TRPC1: variants seen among roughly 807,000 people sequenced by gnomAD.
TRPC1 encodes the protein short transient receptor potential channel 1.
A neutral mutation model predicts 88.2 loss-of-function variants in TRPC1; 42 were observed. The observed-to-expected ratio is 0.48, with a 90% CI of 0.37 to 0.62. The LOEUF (loss-of-function observed/expected upper bound fraction) is 0.62. TRPC1 is among the 20% of genes least tolerant of loss of function. TRPC1 has a pLI of 0.00. For synonymous variants in TRPC1, 288 were observed against 331.8 expected (o/e 0.87, Z 1.43); for missense variants, 699 against 957.3 (o/e 0.73, Z 3.56).
Position 142,791,139 on chromosome 3 carries a change from A to G in TRPC1, c.1418A>G (p.Lys473Arg). ...NSLYLATFAL[K>R]VVAHNKFHDF... ...CTTTATTTGGCAACCTTTGCCCTCA[A>G]AGTGGTTGCTCACAACAAGGTGACT... is the stretch of plus-strand genomic sequence containing the variant. Residue 473 changes from lysine to arginine, a missense_variant, in exon 8 of 13, where the codon AAA (lysine) becomes AGA (arginine). By Grantham distance (26) the Lys-to-Arg change is conservative (BLOSUM62 2). Transcript: ENST00000476941. 2 of 1,605,030 alleles carry G rather than the reference A, an allele frequency of 1.2e-6. No individual in the cohort carries two copies. Among genetic ancestry groups the G allele is most frequent in the Non-Finnish European group, 1.7e-6 (2 of 1,176,858 alleles).
rs1268548295 is a variant in TRPC1 at position 142,767,298 on chromosome 3, G to T, written c.633-10334G>T. The stretch of plus-strand genomic sequence containing the variant: ...CAAAGCTAACTTAAAAAGATGTTTA[G>T]ATCTTTCCCATTTTTAAATTAGTTG... On this transcript the variant is annotated intron_variant, in intron 4 of 12. Transcript: ENST00000476941. The surrounding 1 kb of genome is among the most constrained non-coding windows in gnomAD (Gnocchi z 5.1). Among the ~76,000 whole-genome samples, 1 of 151,886 alleles carries T rather than the reference G, an allele frequency of 6.6e-6. No homozygotes were observed. The highest frequency in any genetic ancestry group is 1.9e-4 in the East Asian group (1 of 5,196).
At chr3:142,802,841 A>G (rs1030304227) in intron 10 of TRPC1, among the ~76,000 whole-genome samples, 1 of 152,238 alleles carries the variant, frequency 6.6e-6, no homozygotes, top group Non-Finnish European at 1.5e-5. Context: ...GAGGTAAACA[A>G]AATTCCTCCC....
At chr3:142,779,429 G>A (rs772500861) in intron 5 of TRPC1, among the ~76,000 whole-genome samples, 10 of 152,138 alleles carry the variant, frequency 6.6e-5, no homozygotes, top group South Asian at 2.1e-4. Flanking sequence ...TTTGAATCTC[G>A]TAGTCCATCA....
At chr3:142,738,094 C>T (rs1297750364) in intron 2 of TRPC1, among the ~76,000 whole-genome samples, 2 of 152,180 alleles carry the variant, frequency 1.3e-5, no homozygotes, top group Non-Finnish European at 2.9e-5. Flanking sequence ...TACTTGATCA[C>T]ATTCAGACAT....
At position 142,806,274 on chromosome 3, in the gene TRPC1, A is replaced by AGATC. The variant is rs1481886900; in HGVS notation, c.*40_*43dup. 6.7e-7 allele frequency: 1 copy of AGATC among 1,494,846 alleles called. No individual in the cohort carries two copies. The highest frequency in any genetic ancestry group is 9.2e-7 in the Non-Finnish European group (1 of 1,087,496). The allele number at this position is 1,494,846 out of a possible 1,614,324, so 92.6% of individuals were successfully genotyped here. Reference sequence around the variant, plus strand: ...CATGGAGCGAATAATTTTCAATAACAGATCCAAAAGACTATATTGCATAAC... The same window carrying AGATC: ...CATGGAGCGAATAATTTTCAATAACAGATCGATCCAAAAGACTATATTGCATAAC... On this transcript the variant is annotated 3_prime_UTR_variant, in exon 13 of 13. Transcript: ENST00000476941.
intron 4 of TRPC1, among the ~76,000 whole-genome samples, chr3:142,756,361 CTTTT>C (rs749438384): frequency 2.9e-5 from 4 of 136,554 alleles, no homozygotes; most frequent in Non-Finnish European, 4.8e-5. Context: ...TATGATGGTT[CTTTT>C]TTTTTTTTTT....
intron 4 of TRPC1, among the ~76,000 whole-genome samples, chr3:142,750,305 T>C (rs912547121): frequency 3.3e-5 from 5 of 152,014 alleles, no homozygotes; most frequent in Admixed American, 3.3e-4. Flanking sequence ...CCAACAAACA[T>C]ATGAAAAAAA....
At chr3:142,793,805 T>G (rs1936368338) in intron 9 of TRPC1, 4 of 954,672 alleles carry the variant, frequency 4.2e-6, no homozygotes, top group Admixed American at 6.2e-5. Context: ...AAGGTGATAT[T>G]TTAAATAAAA....
In TRPC1 at chr3:142,769,742, C is replaced by T. The variant is rs1160210950; in HGVS notation, c.633-7890C>T. 1.6e-4 allele frequency among the ~76,000 whole-genome samples: 24 copies of T among 152,024 alleles called. 1 individual carries two copies. Among genetic ancestry groups the T allele is most frequent in the Admixed American group, 1.4e-3 (21 of 15,254 alleles). On this transcript the variant is annotated intron_variant, in intron 4 of 12. Transcript: ENST00000476941. Reference sequence around the variant, plus strand: ...TCCATTGTGGTTGGAGAACATACTTCGTGTTATTTCTGTCCTTTTAAATTT... The same window carrying T: ...TCCATTGTGGTTGGAGAACATACTTTGTGTTATTTCTGTCCTTTTAAATTT...
chr3:142,807,744 A>AGTC lies in TRPC1; in HGVS notation c.*1510_*1512dup, dbSNP rs1329760136. 2 of 152,204 alleles carry AGTC rather than the reference A, an allele frequency of 1.3e-5. No homozygotes were observed. The highest frequency in any genetic ancestry group is 2.9e-5 in the Non-Finnish European group (2 of 68,036). The allele number at this position is 152,204 out of a possible 1,614,324, so 9.4% of individuals were successfully genotyped here. On this transcript the variant is annotated 3_prime_UTR_variant, in exon 13 of 13. Transcript: ENST00000476941. The stretch of plus-strand genomic sequence containing the variant: ...ATTGGGATTTTACATCTGGATTTTT[A>AGTC]GTCATTCTAAAAAACACCTAATTAT...
At chr3:142,763,601 A>C (rs1577973963) in intron 4 of TRPC1, among the ~76,000 whole-genome samples, 1 of 151,966 alleles carries the variant, frequency 6.6e-6, no homozygotes, top group East Asian at 1.9e-4. Flanking sequence ...GGCAGCATAT[A>C]GTTGGGTCTT....
intron 4 of TRPC1, among the ~76,000 whole-genome samples, chr3:142,761,007 T>C (rs1309119448): frequency 6.6e-6 from 1 of 152,158 alleles, no homozygotes; most frequent in African/African-American, 2.4e-5. Context: ...TTAGGGTTTT[T>C]TTGATGTAAG....
At chr3:142,745,178 C>A (rs2108039105) in intron 3 of TRPC1, among the ~76,000 whole-genome samples, 1 of 146,914 alleles carries the variant, frequency 6.8e-6, no homozygotes. Context: ...TCAGAAATAT[C>A]TAAAATACCA....
chr3:142,743,978 T>C (rs1288335740), intron 3 of TRPC1, among the ~76,000 whole-genome samples: 2 of 152,118 alleles, frequency 1.3e-5, no homozygotes, highest in Non-Finnish European at 2.9e-5. Context: ...ATAAAAGCAA[T>C]GGACAGAAAT....
chr3:142,743,001 A>G (rs1317258938), intron 2 of TRPC1, among the ~76,000 whole-genome samples: 1 of 152,134 alleles, frequency 6.6e-6, no homozygotes, highest in Admixed American at 6.5e-5. Flanking sequence ...AAAAATGAGA[A>G]CAGAAGGCTC....
Position 142,756,842 on chromosome 3 carries a change from T to A in TRPC1, c.632+8382T>A, listed in dbSNP as rs536639292. Among the ~76,000 whole-genome samples, 13 of 152,344 alleles carry A rather than the reference T, an allele frequency of 8.5e-5. No individual in the cohort carries two copies. The South Asian group carries it at 2.7e-3, about 32-fold the overall frequency. On this transcript the variant is annotated intron_variant, in intron 4 of 12. Coordinates refer to ENST00000476941, the MANE Select transcript of TRPC1 (RefSeq NM_001251845.2). ...TCTTTGCCATTTTTAAGTGTACAGT[T>A]CAGTGGTAATAAATACATGAATATT...
chr3:142,737,832 T>C (rs1163510072), intron 2 of TRPC1, among the ~76,000 whole-genome samples: 1 of 152,190 alleles, frequency 6.6e-6, no homozygotes, highest in Admixed American at 6.5e-5. Context: ...GAAGAAAGAC[T>C]GTATATATGT....
chr3:142,725,327 C>T (rs891654937), intron 1 of TRPC1, among the ~76,000 whole-genome samples: 1 of 152,208 alleles, frequency 6.6e-6, no homozygotes, highest in Non-Finnish European at 1.5e-5. Flanking sequence ...GGAAGAAATT[C>T]TGCCTTAGTT....
intron 9 of TRPC1, chr3:142,793,793 TA>T (rs1375857703): frequency 4.4e-6 from 4 of 901,076 alleles, no homozygotes; most frequent in African/African-American, 1.8e-5. Flanking sequence ...CTCATATTTT[TA>T]AAGGTGATAT....
Sources: gnomAD v4.1 joint callset for allele counts (sites outside exome capture counted in the v4.1 genomes callset) on GRCh38, gnomAD v4.1.1 for gene constraint, Gnocchi (gnomAD v3.1) non-coding constraint, MANE v1.5 for transcripts, NCBI Gene and HGNC (gene_info 2026-07-23, HGNC 2026-07-21) for gene names.